The following EFEMP1 variants were observed in gnomAD, a reference collection of about 807,000 sequenced individuals.
The protein encoded by EFEMP1 is EGF-containing fibulin-like extracellular matrix protein 1.
Under a neutral mutation model 65.7 loss-of-function variants are expected in EFEMP1, and 18 were observed. The observed-to-expected ratio is 0.27, with a 90% CI of 0.19 to 0.41. The LOEUF (loss-of-function observed/expected upper bound fraction) is 0.41. Among genes scored for constraint, EFEMP1 ranks in the 10% least tolerant of loss-of-function variants. EFEMP1 has a pLI of 1.00. For synonymous variants in EFEMP1, 237 were observed against 219.7 expected (o/e 1.08, Z -0.70); for missense variants, 469 against 624.8 (o/e 0.75, Z 2.66).
chr2:55,906,933 G>T (rs1670303047), intron 5 of EFEMP1, among the ~76,000 whole-genome samples: 1 of 152,216 alleles, frequency 6.6e-6, no homozygotes, highest in South Asian at 2.1e-4. Context: ...TGATCATCTT[G>T]CTGCAGAAGT....
rs1012374953 is a variant in EFEMP1, at chr2:55,921,668, T to A, written c.81+692A>T. 1.3e-5 allele frequency among the ~76,000 whole-genome samples: 2 copies of A among 152,248 alleles called. No homozygotes were observed. The highest frequency in any genetic ancestry group is 4.8e-5 in the African/African-American group (2 of 41,468). On this transcript the variant is annotated intron_variant, in intron 3 of 11. Coordinates refer to ENST00000355426, the MANE Select transcript of EFEMP1 (RefSeq NM_001039348.3). The surrounding 1 kb of genome is among the most constrained non-coding windows in gnomAD (Gnocchi z 4.1). ...AGTGGGAGGGGTCAGGTGATCTTTT[T>A]AATATTTTATTAAACATTGGTTACA... is the stretch of plus-strand genomic sequence containing the variant.
chr2:55,892,787 C>A (rs1413747317), intron 5 of EFEMP1, among the ~76,000 whole-genome samples: 1 of 151,980 alleles, frequency 6.6e-6, no homozygotes, highest in African/African-American at 2.4e-5. Flanking sequence ...AAGGTTGATG[C>A]CAAACTAAGT....
intron 9 of EFEMP1, among the ~76,000 whole-genome samples, chr2:55,872,684 T>A (rs149629439): frequency 1.3e-5 from 2 of 152,074 alleles, no homozygotes; most frequent in Admixed American, 6.6e-5. Flanking sequence ...TATCTGGAAC[T>A]CAAGAACAGA....
rs1422000065 is a variant in EFEMP1 at position 55,867,180 on chromosome 2, T to C, written c.1375A>G (p.Arg459Gly). The C allele has an allele frequency of 4.3e-6, 7 of 1,614,032 alleles. No individual in the cohort carries two copies. The highest frequency in any genetic ancestry group is 5.9e-6 in the Non-Finnish European group (7 of 1,179,932). Residue 459 changes from arginine to glycine, a missense_variant, in exon 12 of 12, where the codon AGA becomes GGA. This residue lies in a region of EFEMP1 where 399 missense variants were observed against 528.2 expected (regional missense o/e 0.76). Transcript: ENST00000355426. This position sits in a 1 kb window ranked among gnomAD's most constrained non-coding sequence, Gnocchi z 4.3. ...ATCTCCAGGTCCACGATATGTTCTC[T>C]TGGTCCTGATAATGACTTCACGAGC... ...LVLVKSLSGPREHIVDLEMLT... is the reference protein window; with the variant it reads ...LVLVKSLSGPGEHIVDLEMLT...
At chr2:55,889,460 T>A (rs72924526) in intron 5 of EFEMP1, among the ~76,000 whole-genome samples, 3 of 152,150 alleles carry the variant, frequency 2.0e-5, no homozygotes, top group Non-Finnish European at 4.4e-5. Context: ...ATCTTACTTA[T>A]GATCTTTCTG....
intron 8 of EFEMP1, 42 bp downstream of exon 8, chr2:55,876,581 A>T: frequency 6.2e-7 from 1 of 1,604,998 alleles, no homozygotes; most frequent in Non-Finnish European, 8.5e-7. Flanking sequence ...CAGCAGTCAC[A>T]GGAATTGGAC....
At chr2:55,890,711 T>C (rs770640008) in intron 5 of EFEMP1, among the ~76,000 whole-genome samples, 2 of 152,094 alleles carry the variant, frequency 1.3e-5, no homozygotes, top group African/African-American at 2.4e-5. Context: ...GGTTTAAAGA[T>C]AGCTAAATTG....
intron 5 of EFEMP1, among the ~76,000 whole-genome samples, chr2:55,907,361 C>T (rs1046904528): frequency 1.8e-4 from 28 of 152,148 alleles, no homozygotes; most frequent in African/African-American, 6.0e-4. Context: ...ATTTAGCCTA[C>T]GTAGGCAGGT....
rs1405208444 is a variant in EFEMP1, at chr2:55,883,831, TGA to T, written c.518-2099_518-2098del. Among the ~76,000 whole-genome samples, 1 of 152,194 alleles carries T rather than the reference TGA, an allele frequency of 6.6e-6. No homozygotes were observed. The highest frequency in any genetic ancestry group is 1.9e-4 in the East Asian group (1 of 5,206). On this transcript the variant is annotated intron_variant, in intron 5 of 11. Coordinates refer to ENST00000355426, the MANE Select transcript of EFEMP1 (RefSeq NM_001039348.3). The surrounding 1 kb of genome is among the most constrained non-coding windows in gnomAD (Gnocchi z 4.5). ...AACCTGTGCTACTCCTTCTTAAGAA[TGA>T]GGTCTGTTTACCTTCTGAGTGGGTT...
chr2:55,872,387 T>C (rs1383585762), intron 9 of EFEMP1, among the ~76,000 whole-genome samples: 1 of 152,178 alleles, frequency 6.6e-6, no homozygotes, highest in Non-Finnish European at 1.5e-5. Flanking sequence ...TTAACCCTTC[T>C]ATTAGCTTGT....
rs1295962952 is a variant in EFEMP1 at position 55,871,214 on chromosome 2, A to G, written c.1001-91T>C. On this transcript the variant is annotated intron_variant, in intron 9 of 11. Transcript: ENST00000355426. This position sits in a 1 kb window ranked among gnomAD's most constrained non-coding sequence, Gnocchi z 4.2. The stretch of plus-strand genomic sequence containing the variant: ...AACTGGCAGATTCTGTTTGCAAGGA[A>G]GGAGGTGTGAGAGCATCTGGACTGT... 3.8e-6 allele frequency: 6 copies of G among 1,574,170 alleles called. No individual in the cohort carries two copies. Among genetic ancestry groups the G allele is most frequent in the Non-Finnish European group, 5.2e-6 (6 of 1,153,902 alleles).
intron 5 of EFEMP1, among the ~76,000 whole-genome samples, chr2:55,905,478 G>A (rs925197416): frequency 1.3e-5 from 2 of 151,832 alleles, no homozygotes; most frequent in East Asian, 1.9e-4. Context: ...ACAGAGTTTC[G>A]CTCTTGTTGC....
At position 55,921,700 on chromosome 2, in the gene EFEMP1, C is replaced by T. The variant is rs1670910716; in HGVS notation, c.81+660G>A. Among the ~76,000 whole-genome samples, 1 of 152,198 alleles carries T rather than the reference C, an allele frequency of 6.6e-6. No individual in the cohort carries two copies. Among genetic ancestry groups the T allele is most frequent in the Non-Finnish European group, 1.5e-5 (1 of 68,032 alleles). Reference sequence around the variant, plus strand: ...TTATTAAACATTGGTTACACCTATGCAACTAACTAATCAAATATTACTTGG... The same window carrying T: ...TTATTAAACATTGGTTACACCTATGTAACTAACTAATCAAATATTACTTGG... On this transcript the variant is annotated intron_variant, in intron 3 of 11. Coordinates refer to ENST00000355426, the MANE Select transcript of EFEMP1 (RefSeq NM_001039348.3). The surrounding 1 kb of genome is among the most constrained non-coding windows in gnomAD (Gnocchi z 4.1).
rs150491222 is a variant in EFEMP1, at chr2:55,917,002, G to C, written c.517+663C>G. ...TGATATAAGTGAAACGTCGTCAAAT[G>C]AGAGCTTAAAAGAGATATAAACGTG... On this transcript the variant is annotated intron_variant, in intron 5 of 11. Coordinates refer to ENST00000355426, the MANE Select transcript of EFEMP1 (RefSeq NM_001039348.3). The surrounding 1 kb of genome is among the most constrained non-coding windows in gnomAD (Gnocchi z 6.3). Among the ~76,000 whole-genome samples the C allele has an allele frequency of 3.2e-4, 48 of 152,342 alleles. No homozygotes were observed. Among genetic ancestry groups the C allele is most frequent in the African/African-American group, 1.1e-3 (47 of 41,584 alleles).
chr2:55,874,153 C>T (rs1311616849), intron 9 of EFEMP1, among the ~76,000 whole-genome samples: 2 of 152,046 alleles, frequency 1.3e-5, no homozygotes, highest in Non-Finnish European at 2.9e-5. Flanking sequence ...GGGATTCAAA[C>T]AGGTTTTCTG....
At chr2:55,881,558 G>T in intron 6 of EFEMP1, 54 bp downstream of exon 6, 9 of 1,610,270 alleles carry the variant, frequency 5.6e-6, no homozygotes, top group Middle Eastern at 2.1e-4. Flanking sequence ...GCTTGAGGTT[G>T]AAACAGTTAA....
intron 5 of EFEMP1, among the ~76,000 whole-genome samples, chr2:55,915,636 T>TC (rs1434898642): frequency 5.9e-5 from 9 of 152,262 alleles, no homozygotes; most frequent in Non-Finnish European, 1.3e-4. Flanking sequence ...GGTTTTTTTT[T>TC]CTCCCAAGTA....
rs114358686 is a variant in EFEMP1, at chr2:55,885,581, T to C, written c.518-3847A>G. 8.1e-3 allele frequency among the ~76,000 whole-genome samples: 1,238 copies of C among 152,316 alleles called. 3 individuals carry two copies. Among genetic ancestry groups the C allele is most frequent in the South Asian group, 0.015 (74 of 4,830 alleles). On this transcript the variant is annotated intron_variant, in intron 5 of 11. Coordinates refer to ENST00000355426, the MANE Select transcript of EFEMP1 (RefSeq NM_001039348.3). The surrounding 1 kb of genome is among the most constrained non-coding windows in gnomAD (Gnocchi z 4.3). ...AACAATAGCTAATGGCAATATTTGG[T>C]GATTCCCTCATTTTTCAAAAATGTG... is the stretch of plus-strand genomic sequence containing the variant.
chr2:55,868,568 A>G (rs1472980361), intron 11 of EFEMP1, among the ~76,000 whole-genome samples: 1 of 152,184 alleles, frequency 6.6e-6, no homozygotes. Context: ...AGGAATATAA[A>G]TAAAATTTTA....
Sources: allele counts gnomAD v4.1 joint callset (sites outside exome capture counted in the v4.1 genomes callset), GRCh38; gene constraint gnomAD v4.1.1; regional missense constraint gnomAD v4.1.1; non-coding constraint Gnocchi (gnomAD v3.1); transcripts MANE v1.5; gene names NCBI Gene and HGNC (gene_info 2026-07-23, HGNC 2026-07-21).